Variants in MSRA observed in about 807,000 individuals in gnomAD.
MSRA encodes mitochondrial peptide methionine sulfoxide reductase.
In MSRA, 54 loss-of-function variants were observed where a neutral mutation model predicts 31.3. That is an observed-to-expected ratio of 1.73 (90% CI 1.39 to 2.17). MSRA has a LOEUF of 2.17. Ranked by LOEUF, MSRA falls within the 30% of genes most tolerant of loss-of-function variation. The pLI, the probability that MSRA is intolerant of heterozygous loss-of-function variation, is 0.00. For missense variants in MSRA, 507 were observed against 300.9 expected (o/e 1.69, Z -5.07); for synonymous variants, 169 against 116.5 (o/e 1.45, Z -2.90).
intron 2 of MSRA, among the ~76,000 whole-genome samples, chr8:10,217,290 G>T (rs562622335): frequency 6.6e-6 from 1 of 152,292 alleles, no homozygotes; most frequent in South Asian, 2.1e-4. Context: ...TGAGCGGCGC[G>T]CAAGTCTCGT....
chr8:10,419,968 A>T (rs759121521), intron 5 of MSRA, among the ~76,000 whole-genome samples: 3 of 152,172 alleles, frequency 2.0e-5, no homozygotes, highest in Non-Finnish European at 2.9e-5. Flanking sequence ...GAAGCTGCTG[A>T]TACAACAGGC....
intron 1 of MSRA, among the ~76,000 whole-genome samples, chr8:10,164,086 ATCTG>A (rs747482962): frequency 4.6e-5 from 7 of 152,074 alleles, no homozygotes; most frequent in African/African-American, 1.7e-4. Context: ...TCTCCTGTTA[ATCTG>A]TCTTTCTTTT....
intron 1 of MSRA, among the ~76,000 whole-genome samples, chr8:10,187,990 T>C (rs138396862): frequency 1.6e-3 from 243 of 152,308 alleles, no homozygotes; most frequent in Non-Finnish European, 2.8e-3. Flanking sequence ...AGACTTTGAG[T>C]ATTTGTAAGT....
At chr8:10,076,472 C>G (rs931802033) in intron 1 of MSRA, among the ~76,000 whole-genome samples, 7 of 152,196 alleles carry the variant, frequency 4.6e-5, no homozygotes, top group African/African-American at 1.7e-4. Flanking sequence ...TTGATTATTA[C>G]TTAAACCCAT....
chr8:10,071,088 C>T (rs1343064076), intron 1 of MSRA, among the ~76,000 whole-genome samples: 2 of 152,154 alleles, frequency 1.3e-5, no homozygotes, highest in Non-Finnish European at 2.9e-5. Context: ...CAAACTGTTT[C>T]CCAGAGTTCT....
chr8:10,281,686 C>A (rs1172759603), intron 3 of MSRA, among the ~76,000 whole-genome samples: 2 of 152,146 alleles, frequency 1.3e-5, no homozygotes, highest in African/African-American at 4.8e-5. Context: ...TACACAATGA[C>A]CGGGTTCTAT....
chr8:10,152,118 A>C (rs1188395417), intron 1 of MSRA, among the ~76,000 whole-genome samples: 1 of 152,246 alleles, frequency 6.6e-6, no homozygotes, highest in East Asian at 1.9e-4. Context: ...TTGTGAACAT[A>C]TATTTGTGTG....
chr8:10,130,880 T>G (rs1243597240), intron 1 of MSRA, among the ~76,000 whole-genome samples: 10 of 152,148 alleles, frequency 6.6e-5, no homozygotes, highest in Admixed American at 6.5e-4. Context: ...AGGAATAGCC[T>G]TCTCAGGTTT....
intron 3 of MSRA, among the ~76,000 whole-genome samples, chr8:10,283,150 A>ACC: frequency 1.1e-5 from 1 of 92,530 alleles, no homozygotes; most frequent in African/African-American, 4.3e-5. Context: ...ACACACACAC[A>ACC]CACACACACA....
chr8:10,163,137 G>A (rs1585067181), intron 1 of MSRA, among the ~76,000 whole-genome samples: 1 of 152,118 alleles, frequency 6.6e-6, no homozygotes, highest in South Asian at 2.1e-4. Flanking sequence ...GTCCAGAAGC[G>A]GGCTTGTACC....
At chr8:10,333,219 AG>A (rs1249171006) in intron 5 of MSRA, among the ~76,000 whole-genome samples, 1 of 152,240 alleles carries the variant, frequency 6.6e-6, no homozygotes, top group Non-Finnish European at 1.5e-5. Context: ...CAGTGGCAAC[AG>A]GGGAATGTTT....
At chr8:10,098,171 C>G (rs1585139971) in intron 1 of MSRA, among the ~76,000 whole-genome samples, 1 of 152,022 alleles carries the variant, frequency 6.6e-6, no homozygotes, top group South Asian at 2.1e-4. Flanking sequence ...TTAACTATTT[C>G]CATATTAGTA....
chr8:10,385,193 G>A (rs141899072), intron 5 of MSRA, among the ~76,000 whole-genome samples: 1 of 152,260 alleles, frequency 6.6e-6, no homozygotes, highest in East Asian at 1.9e-4. Context: ...TGGCTAAAGT[G>A]ACCTAACAGG....
intron 4 of MSRA, among the ~76,000 whole-genome samples, chr8:10,319,240 G>A (rs1031827510): frequency 6.6e-6 from 1 of 152,114 alleles, no homozygotes; most frequent in Non-Finnish European, 1.5e-5. Context: ...CCACAACATG[G>A]TGGCCTACAG....
intron 3 of MSRA, among the ~76,000 whole-genome samples, chr8:10,270,077 T>C (rs1350675477): frequency 6.6e-6 from 1 of 152,224 alleles, no homozygotes; most frequent in Non-Finnish European, 1.5e-5. Context: ...GAAAAAAGTT[T>C]TGTAGTTGCT....
intron 5 of MSRA, among the ~76,000 whole-genome samples, chr8:10,365,858 T>G (rs1176078403): frequency 6.6e-6 from 1 of 152,222 alleles, no homozygotes; most frequent in East Asian, 1.9e-4. Flanking sequence ...AACGATGCTG[T>G]GAACCCAGGA....
intron 1 of MSRA, chr8:10,096,174 A>G: frequency 8.0e-7 from 1 of 1,254,966 alleles, no homozygotes; most frequent in African/African-American, 1.5e-5. Context: ...CATGTGTTTA[A>G]GAAAACGTTT....
At chr8:10,172,931 C>G (rs1805721836) in intron 1 of MSRA, among the ~76,000 whole-genome samples, 1 of 152,138 alleles carries the variant, frequency 6.6e-6, no homozygotes, top group African/African-American at 2.4e-5. Flanking sequence ...ACCAGTCATT[C>G]TCAGCATAAC....
intron 5 of MSRA, among the ~76,000 whole-genome samples, chr8:10,376,766 G>A (rs1418509848): frequency 6.6e-6 from 1 of 152,132 alleles, no homozygotes; most frequent in Non-Finnish European, 1.5e-5. Context: ...AGATATGCTA[G>A]GTGCTGAATA....
Sources: allele counts gnomAD v4.1 joint callset (sites outside exome capture counted in the v4.1 genomes callset), GRCh38; gene constraint gnomAD v4.1.1; transcripts MANE v1.5; gene names NCBI Gene and HGNC (gene_info 2026-07-23, HGNC 2026-07-21).